TESK2: variants seen among roughly 807,000 people sequenced by gnomAD.
TESK2 encodes the protein dual specificity testis-specific protein kinase 2.
A neutral mutation model predicts 57.1 loss-of-function variants in TESK2; 39 were observed. The observed-to-expected ratio is 0.68, with a 90% CI of 0.53 to 0.89. The LOEUF is 0.89. Ranked by LOEUF, TESK2 falls within the 40% of genes least tolerant of loss-of-function variation. The pLI is 0.00. For missense variants in TESK2, 646 were observed against 732.1 expected (o/e 0.88, Z 1.36); for synonymous variants, 249 against 267.9 (o/e 0.93, Z 0.69).
At chr1:45,436,592 C>A (rs1329018882) in intron 2 of TESK2, among the ~76,000 whole-genome samples, 6 of 144,764 alleles carry the variant, frequency 4.1e-5, no homozygotes, top group Admixed American at 1.5e-4. Context: ...CGGGTTCAAG[C>A]GATTCTCCTA....
intron 3 of TESK2, among the ~76,000 whole-genome samples, chr1:45,405,938 C>T (rs1382274164): frequency 1.3e-5 from 2 of 151,836 alleles, no homozygotes; most frequent in Non-Finnish European, 2.9e-5. Flanking sequence ...ATATTCAGAA[C>T]CCAGCTGGTT....
At chr1:45,354,587 T>C (rs1647326042) in intron 5 of TESK2, among the ~76,000 whole-genome samples, 2 of 150,922 alleles carry the variant, frequency 1.3e-5, no homozygotes, top group Non-Finnish European at 3.0e-5. Context: ...GATCACTCCA[T>C]TGAACTCCAG....
Position 45,386,208 on chromosome 1 carries a change from G to A in TESK2, c.345-248C>T, listed in dbSNP as rs564414202. Among the ~76,000 whole-genome samples, 97 of 152,116 alleles carry A rather than the reference G, an allele frequency of 6.4e-4. 2 individuals carry two copies. In the South Asian group the frequency reaches 0.02, roughly 31 times the overall value. Reference sequence around the variant, plus strand: ...AAAAATACAAAAATTAGGCAGGTGTGGTGGCATGCGCCTGTAGTCCGAGCT... The same window carrying A: ...AAAAATACAAAAATTAGGCAGGTGTAGTGGCATGCGCCTGTAGTCCGAGCT... On this transcript the variant is annotated intron_variant, in intron 3 of 10. Coordinates refer to ENST00000372086, the MANE Select transcript of TESK2 (RefSeq NM_007170.3).
intron 2 of TESK2, among the ~76,000 whole-genome samples, chr1:45,447,112 G>T (rs1478880012): frequency 6.6e-6 from 1 of 152,116 alleles, no homozygotes; most frequent in Non-Finnish European, 1.5e-5. Context: ...AGATACTCAG[G>T]AGGCTGAAGC....
At chr1:45,469,295 TC>T (rs1386458215) in intron 1 of TESK2, among the ~76,000 whole-genome samples, 1 of 152,222 alleles carries the variant, frequency 6.6e-6, no homozygotes, top group East Asian at 1.9e-4. Flanking sequence ...CAGACCACAC[TC>T]CTGTCTGAAA....
chr1:45,385,994 A>C (rs768936375), intron 3 of TESK2, 34 bp from the exon 4 acceptor site: 2 of 1,512,710 alleles, frequency 1.3e-6, no homozygotes, highest in East Asian at 4.6e-5. Context: ...TAACAAGTGA[A>C]AAGGACACAA....
chr1:45,473,987 G>A (rs775325327), intron 1 of TESK2, among the ~76,000 whole-genome samples: 3 of 151,960 alleles, frequency 2.0e-5, no homozygotes, highest in East Asian at 1.9e-4. Context: ...TAATAAGCAC[G>A]ACTACCAGAC....
In TESK2 at chr1:45,343,959, C is replaced by A; in HGVS notation, c.*881G>T. ...TTACAAAAAAAAAAATCAACAGAAG[C>A]AAGTTATGAAAATATTTGACCAGCT... is the stretch of plus-strand genomic sequence containing the variant. On this transcript the variant is annotated 3_prime_UTR_variant, in exon 11 of 11. Transcript: ENST00000372086. This position sits in a 1 kb window ranked among gnomAD's most constrained non-coding sequence, Gnocchi z 4.3. The A allele has an allele frequency of 2.4e-6, 1 of 417,402 alleles. No homozygotes were observed. Among genetic ancestry groups the A allele is most frequent in the East Asian group, 4.1e-5 (1 of 24,604 alleles). The allele number at this position is 417,402 out of a possible 1,614,324, so 25.9% of individuals were successfully genotyped here.
At chr1:45,490,218 GTTC>G (rs1039995442) in intron 1 of TESK2, among the ~76,000 whole-genome samples, 20 of 152,208 alleles carry the variant, frequency 1.3e-4, no homozygotes, top group Non-Finnish European at 2.9e-5. Context: ...TCCTCAGCAA[GTTC>G]TTCTCAGAGG....
intron 1 of TESK2, among the ~76,000 whole-genome samples, chr1:45,460,036 GAAC>G (rs1283593545): frequency 1.3e-5 from 2 of 151,838 alleles, no homozygotes; most frequent in African/African-American, 4.8e-5. Context: ...ATAAAGATGG[GAAC>G]AACAGACACT....
chr1:45,362,267 A>G (rs1162693426), intron 4 of TESK2, among the ~76,000 whole-genome samples: 3 of 152,228 alleles, frequency 2.0e-5, no homozygotes, highest in African/African-American at 7.2e-5. Flanking sequence ...TAGGCTAAAG[A>G]GTATAGGTTC....
intron 2 of TESK2, among the ~76,000 whole-genome samples, chr1:45,448,237 C>CAAAAAAAAAAA: frequency 1.2e-5 from 1 of 84,374 alleles, no homozygotes; most frequent in East Asian, 3.6e-4. Context: ...GACCCTGTCT[C>CAAAAAAAAAAA]AAAAAAAAAA....
At chr1:45,373,297 A>C (rs1444881624) in intron 4 of TESK2, among the ~76,000 whole-genome samples, 2 of 152,216 alleles carry the variant, frequency 1.3e-5, no homozygotes, top group African/African-American at 4.8e-5. Context: ...TAAATGATTC[A>C]AGAATAGTAA....
Position 45,423,172 on chromosome 1 carries a change from C to T in TESK2, c.223-1326G>A, listed in dbSNP as rs565819619. On this transcript the variant is annotated intron_variant, in intron 2 of 10. Transcript: ENST00000372086. The stretch of plus-strand genomic sequence containing the variant: ...TCTGTGGCATTCTAAGTGTGCAAAA[C>T]GAAGATATATGCATGAGCCTTATGT... Among the ~76,000 whole-genome samples, 7 of 152,170 alleles carry T rather than the reference C, an allele frequency of 4.6e-5. No homozygotes were observed. In the East Asian group the frequency reaches 5.8e-4, roughly 13 times the overall value.
intron 1 of TESK2, among the ~76,000 whole-genome samples, chr1:45,470,216 T>C (rs565648353): frequency 2.6e-4 from 39 of 152,338 alleles, no homozygotes; most frequent in African/African-American, 8.4e-4. Flanking sequence ...ATGAGTAATA[T>C]GTAGCCCCGA....
At chr1:45,384,401 ATCT>A (rs1648791212) in intron 4 of TESK2, among the ~76,000 whole-genome samples, 1 of 150,482 alleles carries the variant, frequency 6.6e-6, no homozygotes, top group Non-Finnish European at 1.5e-5. Context: ...CTATCTATCT[ATCT>A]ATCTATCTAT....
In TESK2 at chr1:45,414,012, T is replaced by C. The variant is rs759801267; in HGVS notation, c.344+7713A>G. The C allele has an allele frequency of 1.2e-5, 4 of 344,110 alleles. 1 individual carries two copies. The Middle Eastern group carries it at 3.0e-3, about 256-fold the overall frequency. The allele number at this position is 344,110 out of a possible 1,614,324, so 21.3% of individuals were successfully genotyped here. A position where few individuals can be genotyped will look rare whatever the true frequency, so the allele number is the denominator to read the frequency against. The stretch of plus-strand genomic sequence containing the variant: ...GAAAGCATTTAGAAAATACAAATTC[T>C]AAGAACCTTGAGAATAAAACATAGT... On this transcript the variant is annotated intron_variant, in intron 3 of 10. Coordinates refer to ENST00000372086, the MANE Select transcript of TESK2 (RefSeq NM_007170.3).
chr1:45,482,600 TA>T (rs34879699), intron 1 of TESK2, among the ~76,000 whole-genome samples: 94,275 of 137,338 alleles, frequency 0.69, 32,046 homozygotes, highest in East Asian at 0.92. Flanking sequence ...GGTCAGCCAT[TA>T]AAAAAAAAAA....
Position 45,457,742 on chromosome 1 carries a change from C to A in TESK2, c.44G>T (p.Arg15Leu), listed in dbSNP as rs761606482. ...KRNSIAGFPPRVERLEEFEGG... is the reference protein window; with the variant it reads ...KRNSIAGFPPLVERLEEFEGG... ...TTCAAACTCTTCAAGACGCTCCACA[C>A]GTGGAGGAAATCCTGCAATTGAATT... is the stretch of plus-strand genomic sequence containing the variant. The change falls in exon 2 of 11, where the codon CGT (arginine) becomes CTT (leucine). Residue 15 changes from arginine to leucine, a missense_variant. By Grantham distance (102) the Arg-to-Leu change is moderately radical (BLOSUM62 -2). Transcript: ENST00000372086. 1.2e-6 allele frequency: 2 copies of A among 1,614,142 alleles called. No homozygotes were observed.
Sources: allele counts gnomAD v4.1 joint callset (sites outside exome capture counted in the v4.1 genomes callset), GRCh38; gene constraint gnomAD v4.1.1; non-coding constraint Gnocchi (gnomAD v3.1); transcripts MANE v1.5; gene names NCBI Gene and HGNC (gene_info 2026-07-23, HGNC 2026-07-21).